Variants in POU6F2 observed in about 807,000 individuals in gnomAD.
POU6F2 encodes POU domain, class 6, transcription factor 2.
Under a neutral mutation model 71.3 loss-of-function variants are expected in POU6F2, and 31 were observed. That is an observed-to-expected ratio of 0.43 (90% CI 0.33 to 0.59). POU6F2 has a LOEUF of 0.59. POU6F2 is among the 20% of genes least tolerant of loss of function. The pLI, the probability that POU6F2 is intolerant of heterozygous loss-of-function variation, is 0.04. For missense variants in POU6F2, 783 were observed against 856.8 expected, an observed-to-expected ratio of 0.91 and a Z score of 1.07; for synonymous variants, 347 against 355.7, an observed-to-expected ratio of 0.98 and a Z score of 0.27.
At chr7:39,109,395 C>T (rs963940774) in intron 2 of POU6F2, among the ~76,000 whole-genome samples, 3 of 152,162 alleles carry the variant, frequency 2.0e-5, no homozygotes, top group Non-Finnish European at 4.4e-5. Flanking sequence ...CATTTTAATA[C>T]TCATATGAAA....
chr7:38,984,744 A>G (rs995030657), intron 1 of POU6F2: 1 of 152,196 alleles, frequency 6.6e-6, no homozygotes, highest in African/African-American at 2.4e-5. Context: ...CTGGAGTTTA[A>G]TATGATGTTG....
chr7:39,070,388 C>G (rs957865351), intron 1 of POU6F2, among the ~76,000 whole-genome samples: 12 of 147,998 alleles, frequency 8.1e-5, no homozygotes, highest in Non-Finnish European at 1.3e-4. Flanking sequence ...CACACTTCTG[C>G]TTTTGCCTCC....
intron 2 of POU6F2, among the ~76,000 whole-genome samples, chr7:39,183,243 C>A (rs1477877185): frequency 1.3e-5 from 2 of 152,144 alleles, no homozygotes; most frequent in African/African-American, 2.4e-5. Context: ...CCGAAACCAT[C>A]CCCCACCTGC....
chr7:39,114,402 T>G (rs1038439345), intron 2 of POU6F2, among the ~76,000 whole-genome samples: 1 of 152,198 alleles, frequency 6.6e-6, no homozygotes, highest in African/African-American at 2.4e-5. Flanking sequence ...TAGGTGAGTC[T>G]TAAAACCCCT....
intron 1 of POU6F2, among the ~76,000 whole-genome samples, chr7:39,049,149 C>T (rs1790354369): frequency 6.6e-6 from 1 of 151,624 alleles, no homozygotes; most frequent in Admixed American, 6.6e-5. Context: ...TAAATAATCA[C>T]CTTTTGGTTT....
intron 4 of POU6F2, among the ~76,000 whole-genome samples, chr7:39,214,092 C>G (rs1305108538): frequency 2.0e-5 from 3 of 152,212 alleles, no homozygotes; most frequent in Non-Finnish European, 4.4e-5. Flanking sequence ...TCTTTTCTTT[C>G]TGCTTCCAGT....
At chr7:39,387,760 G>T (rs562842409) in intron 5 of POU6F2, among the ~76,000 whole-genome samples, 4 of 152,346 alleles carry the variant, frequency 2.6e-5, no homozygotes, top group African/African-American at 9.6e-5. Flanking sequence ...GGAACATTAT[G>T]CTTTAATCAA....
At chr7:39,066,177 A>C (rs942912429) in intron 1 of POU6F2, among the ~76,000 whole-genome samples, 1 of 151,740 alleles carries the variant, frequency 6.6e-6, no homozygotes, top group Non-Finnish European at 1.5e-5. Context: ...AACTGATAAA[A>C]TACAACAGCC....
chr7:39,431,139 C>A (rs369557880), intron 6 of POU6F2, among the ~76,000 whole-genome samples: 27 of 152,318 alleles, frequency 1.8e-4, no homozygotes, highest in African/African-American at 6.0e-4. Context: ...CCAGGCATTG[C>A]GGGCTTGCTC....
intron 5 of POU6F2, among the ~76,000 whole-genome samples, chr7:39,384,406 T>C (rs1023480327): frequency 6.6e-6 from 1 of 152,226 alleles, no homozygotes; most frequent in Admixed American, 6.5e-5. Flanking sequence ...CTCTTATCAA[T>C]GATCATGTCT....
intron 1 of POU6F2, among the ~76,000 whole-genome samples, chr7:39,009,473 G>A (rs1046057361): frequency 6.6e-6 from 1 of 152,154 alleles, no homozygotes; most frequent in Non-Finnish European, 1.5e-5. Flanking sequence ...TGCAAACAGG[G>A]ACAATCTGAC....
intron 2 of POU6F2, among the ~76,000 whole-genome samples, chr7:39,095,342 ATT>A (rs1438376299): frequency 6.6e-6 from 1 of 152,102 alleles, no homozygotes; most frequent in South Asian, 2.1e-4. Flanking sequence ...ACTCCTAGTA[ATT>A]TTCTAACAAG....
At chr7:39,045,190 C>A (rs933158194) in intron 1 of POU6F2, among the ~76,000 whole-genome samples, 1 of 152,016 alleles carries the variant, frequency 6.6e-6, no homozygotes, top group African/African-American at 2.4e-5. Flanking sequence ...ATAAGCATCG[C>A]GAATTCGCAT....
chr7:39,157,812 A>G (rs1456675718), intron 2 of POU6F2, among the ~76,000 whole-genome samples: 1 of 152,220 alleles, frequency 6.6e-6, no homozygotes, highest in Non-Finnish European at 1.5e-5. Flanking sequence ...TTGGAGGTGC[A>G]ACTTCAATAA....
At chr7:39,013,855 G>A (rs1789399066) in intron 1 of POU6F2, among the ~76,000 whole-genome samples, 1 of 152,060 alleles carries the variant, frequency 6.6e-6, no homozygotes, top group Non-Finnish European at 1.5e-5. Context: ...TGAACTCCTT[G>A]GGTGTGCTGT....
At chr7:39,366,396 A>G (rs1028770474) in intron 5 of POU6F2, among the ~76,000 whole-genome samples, 1 of 152,198 alleles carries the variant, frequency 6.6e-6, no homozygotes, top group African/African-American at 2.4e-5. Flanking sequence ...TTCCCCCAGC[A>G]GTCATAATTC....
chr7:39,033,766 C>G lies in POU6F2; in HGVS notation c.106-52094C>G, dbSNP rs182477970. On this transcript the variant is annotated intron_variant, in intron 1 of 9. Transcript: ENST00000518318. ...GTGTCTCATCGCTGATTTGTTGCAC[C>G]AGGCAGTAACAATCTTTCATACATT... Among the ~76,000 whole-genome samples the G allele has an allele frequency of 3.3e-5, 5 of 152,260 alleles. No homozygotes were observed. The East Asian group carries it at 7.7e-4, about 24-fold the overall frequency.
chr7:39,306,472 T>C (rs1785051006), intron 4 of POU6F2, among the ~76,000 whole-genome samples: 1 of 152,148 alleles, frequency 6.6e-6, no homozygotes, highest in Non-Finnish European at 1.5e-5. Context: ...GATTTAAACA[T>C]AGATCTCCAA....
chr7:39,387,589 A>G (rs1032593629), intron 5 of POU6F2, among the ~76,000 whole-genome samples: 10 of 152,110 alleles, frequency 6.6e-5, no homozygotes, highest in African/African-American at 2.4e-4. Flanking sequence ...ATCCACATGA[A>G]CCTCCACAAT....
Sources: allele counts gnomAD v4.1 joint callset (sites outside exome capture counted in the v4.1 genomes callset), GRCh38; gene constraint gnomAD v4.1.1; transcripts MANE v1.5; gene names NCBI Gene and HGNC (gene_info 2026-07-23, HGNC 2026-07-21).